Variants in PALS2 observed in about 807,000 individuals in gnomAD.
PALS2 encodes the protein protein associated with LIN7 2, MAGUK p55 family member.
PALS2 carries 27 observed loss-of-function variants against 61.6 expected under a neutral mutation model. The observed-to-expected ratio is 0.44, with a 90% CI of 0.32 to 0.60. The LOEUF is 0.60. Among genes scored for constraint, PALS2 ranks in the 20% least tolerant of loss-of-function variants. The probability of loss-of-function intolerance (pLI) is 0.05; values close to 1 mark genes in which losing one functional copy is unlikely to be tolerated. For synonymous variants in PALS2, 236 were observed against 218.6 expected (o/e 1.08, Z -0.70); for missense variants, 554 against 639.4 (o/e 0.87, Z 1.44).
intron 1 of PALS2, among the ~76,000 whole-genome samples, chr7:24,574,995 A>C (rs1222260008): frequency 6.6e-6 from 1 of 152,154 alleles, no homozygotes; most frequent in Non-Finnish European, 1.5e-5. Context: ...GTAAACAAAG[A>C]ACTTTTGTGG....
chr7:24,606,078 C>T (rs1213213949), intron 1 of PALS2, among the ~76,000 whole-genome samples: 1 of 152,016 alleles, frequency 6.6e-6, no homozygotes, highest in Non-Finnish European at 1.5e-5. Context: ...GATTTCTTTC[C>T]TAGTAGTAAG....
chr7:24,673,650 C>A (rs1382235812), intron 9 of PALS2, among the ~76,000 whole-genome samples: 1 of 151,834 alleles, frequency 6.6e-6, no homozygotes, highest in Non-Finnish European at 1.5e-5. Context: ...TTTTTTCTTT[C>A]ATTTCTGATT....
chr7:24,593,567 A>G (rs879242496), intron 1 of PALS2, among the ~76,000 whole-genome samples: 4 of 152,144 alleles, frequency 2.6e-5, no homozygotes, highest in Admixed American at 2.0e-4. Context: ...ATTACTCCTT[A>G]ATCCATGGGC....
intron 9 of PALS2, 79 bp downstream of exon 9, chr7:24,668,739 A>G: frequency 6.7e-7 from 1 of 1,494,644 alleles, no homozygotes; most frequent in South Asian, 1.2e-5. Flanking sequence ...GATTATTATC[A>G]TTAGTTATTG....
intron 5 of PALS2, among the ~76,000 whole-genome samples, chr7:24,655,180 CTTAGAG>C (rs1162530239): frequency 6.6e-6 from 1 of 152,160 alleles, no homozygotes; most frequent in Non-Finnish European, 1.5e-5. Context: ...TTTAATGTCT[CTTAGAG>C]TTAAATATTC....
At chr7:24,616,867 G>T (rs1163345315) in intron 1 of PALS2, among the ~76,000 whole-genome samples, 1 of 152,084 alleles carries the variant, frequency 6.6e-6, no homozygotes, top group African/African-American at 2.4e-5. Context: ...ACTTTTGACA[G>T]TTTGAGTATA....
intron 9 of PALS2, 52 bp downstream of exon 9, chr7:24,668,712 C>T (rs751210359): frequency 5.1e-5 from 81 of 1,575,762 alleles, no homozygotes; most frequent in Non-Finnish European, 6.2e-5. Flanking sequence ...AGAGTATGGG[C>T]ATATGGAGGA....
intron 5 of PALS2, among the ~76,000 whole-genome samples, chr7:24,653,050 C>G (rs1421504725): frequency 6.6e-6 from 1 of 152,156 alleles, no homozygotes; most frequent in African/African-American, 2.4e-5. Context: ...TAGGAATTCT[C>G]TCTTATTCTT....
chr7:24,672,196 CTGTTTTGTTTTGTTTTGTTTTGTTT>C (rs57538997), intron 9 of PALS2, among the ~76,000 whole-genome samples: 3 of 145,084 alleles, frequency 2.1e-5, no homozygotes, highest in African/African-American at 7.7e-5. Context: ...CTACTGCCAT[CTGTTTTGTTTTGTTTTGTTTTGTTT>C]TGTTTTGTTT....
chr7:24,598,464 A>T (rs886364404), intron 1 of PALS2, among the ~76,000 whole-genome samples: 3 of 152,210 alleles, frequency 2.0e-5, no homozygotes, highest in Middle Eastern at 3.2e-3. Context: ...ATATTAAAAT[A>T]GTACTGTTGT....
intron 7 of PALS2, 116 bp from the exon 8 acceptor site, chr7:24,665,905 G>A: frequency 3.7e-6 from 4 of 1,094,342 alleles, no homozygotes; most frequent in Non-Finnish European, 5.3e-6. Context: ...ACCCTCTTTT[G>A]CTTCCTAGGA....
intron 3 of PALS2, among the ~76,000 whole-genome samples, chr7:24,645,268 T>G (rs189772450): frequency 7.9e-5 from 12 of 152,308 alleles, no homozygotes; most frequent in Admixed American, 5.9e-4. Context: ...TTTAAATCTT[T>G]AATCCATCTC....
chr7:24,631,001 C>A (rs1784976312), intron 2 of PALS2, among the ~76,000 whole-genome samples: 1 of 152,216 alleles, frequency 6.6e-6, no homozygotes. Flanking sequence ...CACAACATCT[C>A]TTCTACTCAT....
At position 24,650,582 on chromosome 7, in the gene PALS2, T is replaced by C. The variant is rs1289934881; in HGVS notation, c.521T>C (p.Ile174Thr). 3.7e-6 allele frequency: 6 copies of C among 1,613,124 alleles called. No individual in the cohort carries two copies. The highest frequency in any genetic ancestry group is 2.2e-5 in the South Asian group (2 of 91,028). Reference protein sequence around the residue: ...DRQGLLHVGDIIKEVNGHEVG... With the variant: ...DRQGLLHVGDTIKEVNGHEVG... ...CAAGGTCTACTTCATGTGGGAGATA[T>C]AATTAAAGAAGTCAATGGCCATGAG... The change falls in exon 5 of 12, where the codon ATA becomes ACA. Residue 174 changes from isoleucine (I) to threonine (T), a missense_variant. Physicochemically the swap from Ile to Thr is moderately conservative, Grantham distance 89 (BLOSUM62 -1). Coordinates refer to ENST00000222644, the MANE Select transcript of PALS2 (RefSeq NM_001303037.2).
At chr7:24,608,862 C>T (rs1348391431) in intron 1 of PALS2, among the ~76,000 whole-genome samples, 3 of 152,188 alleles carry the variant, frequency 2.0e-5, no homozygotes, top group East Asian at 1.9e-4. Context: ...ATCCTCCCAC[C>T]TCAGCCTCCT....
chr7:24,650,450 T>A (rs1362541360), intron 4 of PALS2, 35 bp from the exon 5 acceptor site: 1 of 1,479,744 alleles, frequency 6.8e-7, no homozygotes, highest in South Asian at 1.3e-5. Flanking sequence ...TTCTCCCTAA[T>A]AATTAATGAG....
chr7:24,667,323 A>G (rs1463884272), intron 8 of PALS2, among the ~76,000 whole-genome samples: 2 of 152,172 alleles, frequency 1.3e-5, no homozygotes, highest in Non-Finnish European at 2.9e-5. Flanking sequence ...AATTTATTTT[A>G]TATGTAAATT....
intron 1 of PALS2, among the ~76,000 whole-genome samples, chr7:24,613,103 TTAAC>T (rs1448368521): frequency 2.6e-5 from 4 of 151,664 alleles, no homozygotes; most frequent in African/African-American, 9.7e-5. Context: ...TTATAATTTT[TTAAC>T]TAAGTTTTGA....
chr7:24,682,939 A>T (rs1385231375), intron 11 of PALS2, among the ~76,000 whole-genome samples: 1 of 152,140 alleles, frequency 6.6e-6, no homozygotes, highest in Non-Finnish European at 1.5e-5. Context: ...ACACAGATTC[A>T]GGTTATTCAG....
Sources: allele counts gnomAD v4.1 joint callset (sites outside exome capture counted in the v4.1 genomes callset), GRCh38; gene constraint gnomAD v4.1.1; transcripts MANE v1.5; gene names NCBI Gene and HGNC (gene_info 2026-07-23, HGNC 2026-07-21).